CYREN: variants seen among roughly 807,000 people sequenced by gnomAD.
CYREN encodes the protein cell cycle regulator of non-homologous end joining.
CYREN carries 7 observed loss-of-function variants against 9.7 expected under a neutral mutation model. That is an observed-to-expected ratio of 0.72 (90% CI 0.41 to 1.36). The LOEUF (loss-of-function observed/expected upper bound fraction) is 1.36, where lower values mean the gene tolerates loss of function less well. Ranked by LOEUF, CYREN falls within the 40% of genes most tolerant of loss-of-function variation. The pLI, the probability that CYREN is intolerant of heterozygous loss-of-function variation, is 0.01. For synonymous variants in CYREN, 76 were observed against 77.9 expected (o/e 0.98, Z 0.13); for missense variants, 215 against 198.1 (o/e 1.09, Z -0.51).
At chr7:135,156,851 G>A (rs7790371) in intron 2 of CYREN, among the ~76,000 whole-genome samples, 3 of 151,896 alleles carry the variant, frequency 2.0e-5, no homozygotes. Context: ...GAGAGGGGAC[G>A]CCAGGGGAGG....
intron 2 of CYREN, chr7:135,129,742 G>A: frequency 2.8e-6 from 2 of 706,328 alleles, no homozygotes; most frequent in Non-Finnish European, 5.3e-6. Context: ...CTAATCTTTT[G>A]TCAAGTACAC....
chr7:135,152,477 C>T (rs1829688315), intron 2 of CYREN, among the ~76,000 whole-genome samples: 1 of 152,214 alleles, frequency 6.6e-6, no homozygotes, highest in Admixed American at 6.5e-5. Flanking sequence ...CCTTACTAGG[C>T]CTGTCTTCTT....
chr7:135,140,456 CT>C (rs1829432695), intron 2 of CYREN, among the ~76,000 whole-genome samples: 1 of 151,958 alleles, frequency 6.6e-6, no homozygotes, highest in Non-Finnish European at 1.5e-5. Context: ...ATCTAGGAGC[CT>C]TTGGGCAGAG....
chr7:135,110,237 G>A (rs577082789), intron 2 of CYREN, among the ~76,000 whole-genome samples: 1 of 152,248 alleles, frequency 6.6e-6, no homozygotes, highest in African/African-American at 2.4e-5. Context: ...CCAAGCCAGT[G>A]GGTCTTATCC....
intron 2 of CYREN, among the ~76,000 whole-genome samples, chr7:135,096,911 G>T (rs1822986869): frequency 6.6e-6 from 1 of 152,152 alleles, no homozygotes; most frequent in Non-Finnish European, 1.5e-5. Flanking sequence ...AAGAATTTGG[G>T]ATTGTGCATT....
At chr7:135,120,643 C>A (rs4732096) in intron 2 of CYREN, among the ~76,000 whole-genome samples, 1 of 151,528 alleles carries the variant, frequency 6.6e-6, no homozygotes, top group Non-Finnish European at 1.5e-5. Flanking sequence ...CAGTTAAGGA[C>A]AGATTAACAG....
At chr7:135,168,313 G>GCCA (rs1562932238) in intron 2 of CYREN, 2 of 12,080 alleles carry the variant, frequency 1.7e-4, no homozygotes, top group African/African-American at 8.6e-4. Flanking sequence ...CCCCCCCCCG[G>GCCA]CAATTACCGT....
At chr7:135,150,571 T>C (rs1182450957) in intron 2 of CYREN, among the ~76,000 whole-genome samples, 1 of 152,162 alleles carries the variant, frequency 6.6e-6, no homozygotes, top group African/African-American at 2.4e-5. Flanking sequence ...AAATTGCCTT[T>C]GTAATTGCGG....
chr7:135,163,704 G>C (rs1002250199), downstream of CYREN, among the ~76,000 whole-genome samples: 1 of 152,122 alleles, frequency 6.6e-6, no homozygotes, highest in Non-Finnish European at 1.5e-5. Context: ...ACCATTGTCA[G>C]GAAAAAATAT....
At chr7:135,133,470 A>T (rs990976586) in intron 2 of CYREN, among the ~76,000 whole-genome samples, 1 of 152,230 alleles carries the variant, frequency 6.6e-6, no homozygotes, top group Non-Finnish European at 1.5e-5. Context: ...TAGCAAAAAC[A>T]ATTTTGACAA....
intron 2 of CYREN, among the ~76,000 whole-genome samples, chr7:135,144,239 G>A (rs1371569099): frequency 6.6e-6 from 1 of 152,146 alleles, no homozygotes; most frequent in Non-Finnish European, 1.5e-5. Context: ...GAAAAGACCA[G>A]AGGCTACTAC....
intron 2 of CYREN, chr7:135,129,100 A>C: frequency 1.3e-6 from 2 of 1,584,188 alleles, no homozygotes; most frequent in Non-Finnish European, 1.7e-6. Context: ...ACTACTGGTC[A>C]GGTCAAAGAG....
At chr7:135,170,612 G>A (rs1830596824) in intron 1 of CYREN, 40 bp downstream of exon 1, 1 of 152,274 alleles carries the variant, frequency 6.6e-6, no homozygotes, top group African/African-American at 2.4e-5. Flanking sequence ...GAGCGGAGCC[G>A]GGAGGCAAAT....
At chr7:135,099,448 T>C (rs556691287) in intron 2 of CYREN, among the ~76,000 whole-genome samples, 1 of 152,328 alleles carries the variant, frequency 6.6e-6, no homozygotes, top group Admixed American at 6.5e-5. Flanking sequence ...GAAGTAATTG[T>C]CAAGAAAGTT....
chr7:135,132,636 G>A (rs1326865963), intron 2 of CYREN, among the ~76,000 whole-genome samples: 1 of 152,072 alleles, frequency 6.6e-6, no homozygotes, highest in Non-Finnish European at 1.5e-5. Context: ...ATTGAATCAC[G>A]GGAACAGTTT....
At chr7:135,146,844 G>T (rs897932546) in intron 2 of CYREN, among the ~76,000 whole-genome samples, 7 of 152,140 alleles carry the variant, frequency 4.6e-5, no homozygotes, top group African/African-American at 1.7e-4. Flanking sequence ...TGGGACTGCC[G>T]ATTTTCGTAA....
chr7:135,121,515 G>C (rs1827122672), intron 2 of CYREN, among the ~76,000 whole-genome samples: 1 of 150,054 alleles, frequency 6.7e-6, no homozygotes. Flanking sequence ...TGACCACAAT[G>C]GAATCCAACT....
intron 2 of CYREN, among the ~76,000 whole-genome samples, chr7:135,149,194 T>G (rs1189987194): frequency 2.0e-5 from 3 of 152,208 alleles, no homozygotes; most frequent in African/African-American, 7.2e-5. Flanking sequence ...ATTTCTTTTT[T>G]TTTCATAAAT....
At chr7:135,109,091 T>C (rs1825218252) in intron 2 of CYREN, among the ~76,000 whole-genome samples, 1 of 152,214 alleles carries the variant, frequency 6.6e-6, no homozygotes, top group African/African-American at 2.4e-5. Flanking sequence ...CTGTATCCAT[T>C]TTATTGTGAT....
Sources: allele counts gnomAD v4.1 joint callset (sites outside exome capture counted in the v4.1 genomes callset), GRCh38; gene constraint gnomAD v4.1.1; transcripts MANE v1.5; gene names NCBI Gene and HGNC (gene_info 2026-07-23, HGNC 2026-07-21).